The following TICRR variants were observed in gnomAD, a reference collection of about 807,000 sequenced individuals.
TICRR encodes TOPBP1 interacting checkpoint and replication regulator, also known as treslin.
A neutral mutation model predicts 178.1 loss-of-function variants in TICRR; 132 were observed. That is an observed-to-expected ratio of 0.74 (90% confidence interval 0.64 to 0.86). TICRR has a LOEUF of 0.86. Ranked by LOEUF, TICRR falls within the 40% of genes least tolerant of loss-of-function variation. The probability of loss-of-function intolerance (pLI) is 0.00; values close to 1 mark genes in which losing one functional copy is unlikely to be tolerated. For synonymous variants in TICRR, 991 were observed against 900.7 expected (o/e 1.10, Z -1.79); for missense variants, 2,587 against 2,334.3 (o/e 1.11, Z -2.23).
chr15:89,610,721 T>C (rs1000631354), intron 15 of TICRR, among the ~76,000 whole-genome samples: 5 of 152,220 alleles, frequency 3.3e-5, no homozygotes, highest in Non-Finnish European at 7.4e-5. Flanking sequence ...GGAACAACTG[T>C]CATTTTCTAT....
Position 89,625,239 on chromosome 15 carries a change from C to T in TICRR, c.4929C>T (p.Ile1643=). The part of the protein sequence containing the change: ...TPGKSRGQTY[I]CQACTPTHGP... ...GCAAGAGCAGGGGGCAAACCTACAT[C>T]TGCCAGGCCTGTACCCCCACCCACG... The change falls in exon 20 of 22, where the codon ATC becomes ATT. Residue 1643 remains isoleucine (I), a synonymous_variant. Transcript: ENST00000268138. The T allele has an allele frequency of 6.2e-7, 1 of 1,613,662 alleles. No individual in the cohort carries two copies. Among genetic ancestry groups the T allele is most frequent in the Non-Finnish European group, 8.5e-7 (1 of 1,179,688 alleles).
intron 15 of TICRR, among the ~76,000 whole-genome samples, chr15:89,613,844 T>C (rs968564944): frequency 2.0e-5 from 3 of 150,844 alleles, no homozygotes; most frequent in African/African-American, 4.9e-5. Context: ...TTGAACATAT[T>C]TAAAACAGCT....
intron 15 of TICRR, among the ~76,000 whole-genome samples, chr15:89,614,712 T>G (rs1232947810): frequency 3.3e-5 from 5 of 152,226 alleles, no homozygotes; most frequent in Non-Finnish European, 7.3e-5. Flanking sequence ...TTGTTTTTGT[T>G]TAGTCACTTT....
Position 89,623,670 on chromosome 15 carries a change from AC to A in TICRR, c.3362del (p.Pro1121GlnfsTer25). ...QKSLSFSKTT[P>X]RRISHTPQTP... ...AATCTCTGAGCTTTTCTAAAACTAC[AC>A]CAAGAAGGATCTCTCATACACCACA... On this transcript the variant is annotated frameshift_variant, in exon 20 of 22. Coordinates refer to ENST00000268138, the MANE Select transcript of TICRR (RefSeq NM_152259.4). LOFTEE classifies it high-confidence loss of function. The A allele has an allele frequency of 6.2e-6, 10 of 1,612,416 alleles. No homozygotes were observed. The highest frequency in any genetic ancestry group is 7.6e-6 in the Non-Finnish European group (9 of 1,179,568).
rs148935549 is a variant in TICRR, at chr15:89,627,166, A to G, written c.*80A>G. ...ATAAAGAAGTTGGATGCCTGGTCCCAAGCCTCTTTTGCCATGGTCAGTGTT... is the reference window on the plus strand; with the variant it reads ...ATAAAGAAGTTGGATGCCTGGTCCCGAGCCTCTTTTGCCATGGTCAGTGTT... On this transcript the variant is annotated 3_prime_UTR_variant, in exon 22 of 22. Coordinates refer to ENST00000268138, the MANE Select transcript of TICRR (RefSeq NM_152259.4). 401 of 1,565,336 alleles carry G rather than the reference A, an allele frequency of 2.6e-4. 2 individuals carry two copies. In the African/African-American group the frequency reaches 4.8e-3, roughly 19 times the overall value.
intron 13 of TICRR, among the ~76,000 whole-genome samples, chr15:89,606,437 T>C (rs1337655460): frequency 6.6e-6 from 1 of 152,226 alleles, no homozygotes; most frequent in Non-Finnish European, 1.5e-5. Flanking sequence ...AAGTTTTGGA[T>C]TTTGGAGCAT....
intron 16 of TICRR, 181 bp from the exon 17 acceptor site, chr15:89,617,971 C>T (rs949673812): frequency 1.2e-5 from 8 of 689,378 alleles, no homozygotes; most frequent in African/African-American, 8.9e-5. Flanking sequence ...GGATTACAGG[C>T]GTGAGACACT....
At chr15:89,593,786 A>G (rs1003850579) in intron 5 of TICRR, among the ~76,000 whole-genome samples, 1 of 152,216 alleles carries the variant, frequency 6.6e-6, no homozygotes, top group African/African-American at 2.4e-5. Flanking sequence ...ATATCTGTTC[A>G]ACTAATATCA....
intron 2 of TICRR, among the ~76,000 whole-genome samples, chr15:89,584,024 G>C (rs1248883250): frequency 6.6e-6 from 1 of 152,112 alleles, no homozygotes; most frequent in African/African-American, 2.4e-5. Context: ...CATAATTTCT[G>C]AGAAGTTCTG....
chr15:89,604,356 G>A (rs2350479), intron 13 of TICRR, among the ~76,000 whole-genome samples: 70,838 of 152,104 alleles, frequency 0.47, 17,572 homozygotes, highest in Non-Finnish European at 0.56. Flanking sequence ...TGGAAAATCC[G>A]AAAGTGAATG....
chr15:89,619,271 G>C (rs1475187221), intron 17 of TICRR, among the ~76,000 whole-genome samples: 2 of 124,898 alleles, frequency 1.6e-5, no homozygotes, highest in Non-Finnish European at 3.2e-5. Flanking sequence ...TGTCGCCCAG[G>C]CTGGAGTGCA....
intron 11 of TICRR, 29 bp from the exon 12 acceptor site, chr15:89,601,708 G>C (rs745643043): frequency 1.9e-6 from 3 of 1,613,772 alleles, no homozygotes; most frequent in Non-Finnish European, 2.5e-6. Context: ...GATGGTAACT[G>C]TTCCGTATTC....
chr15:89,584,233 C>CT, intron 2 of TICRR, 53 bp from the exon 3 acceptor site: 2 of 1,490,602 alleles, frequency 1.3e-6, no homozygotes, highest in East Asian at 2.4e-5. Flanking sequence ...GAATTTTAAT[C>CT]TTTTTTTAAA....
chr15:89,582,849 C>T lies in TICRR; in HGVS notation c.818C>T (p.Ser273Phe). The change falls in exon 2 of 22, where the codon TCT (serine) becomes TTT (phenylalanine). Residue 273 changes from serine (S) to phenylalanine (F), a missense_variant. Physicochemically the swap from Ser to Phe is radical, Grantham distance 155. Transcript: ENST00000268138. ...GIKLSSEPHL[S>F]PWISMLPTDA... ...AAGCTGTCAAGTGAACCTCATCTTT[C>T]TCCGTGGATTTCAATGCTGCCAACT... 8.1e-6 allele frequency: 13 copies of T among 1,614,172 alleles called. No individual in the cohort carries two copies. Among genetic ancestry groups the T allele is most frequent in the Non-Finnish European group, 1.1e-5 (13 of 1,180,042 alleles).
At chr15:89,600,714 A>G (rs761810928) in intron 9 of TICRR, 29 bp downstream of exon 9, 9 of 1,103,912 alleles carry the variant, frequency 8.2e-6, no homozygotes, top group African/African-American at 3.2e-5. Context: ...TTAAAAAATC[A>G]TCACTCTAAA....
In TICRR at chr15:89,584,615, A is replaced by G; in HGVS notation, c.1176+88A>G. ...TGTGTTTATAAATGCCCTACACAAT[A>G]TAGTCTTAGTAAAACTGATTATGCT... On this transcript the variant is annotated intron_variant, in intron 3 of 21. Coordinates refer to ENST00000268138, the MANE Select transcript of TICRR (RefSeq NM_152259.4). 3.7e-6 allele frequency: 5 copies of G among 1,344,622 alleles called. No homozygotes were observed. In the South Asian group the frequency reaches 5.6e-5, roughly 15 times the overall value. 83.3% of individuals were successfully genotyped at this position (1,344,622 alleles called of 1,614,324 possible).
Position 89,623,790 on chromosome 15 carries a change from C to A in TICRR, c.3480C>A (p.Ser1160=). 6.2e-7 allele frequency: 1 copy of A among 1,613,966 alleles called. No individual in the cohort carries two copies. Among genetic ancestry groups the A allele is most frequent in the South Asian group, 1.1e-5 (1 of 91,080 alleles). The part of the protein sequence containing the change: ...QAAFKESLKD[S]SSPGHDSPLD... Reference sequence around the variant, plus strand: ...CTTTTAAGGAGTCCTTAAAAGACTCCTCCTCACCCGGCCATGACTCACCAT... The same window carrying A: ...CTTTTAAGGAGTCCTTAAAAGACTCATCCTCACCCGGCCATGACTCACCAT... The change falls in exon 20 of 22, where the codon TCC becomes TCA. Residue 1160 remains serine (S), a synonymous_variant. Transcript: ENST00000268138.
chr15:89,591,222 T>C (rs1482783522), intron 4 of TICRR, among the ~76,000 whole-genome samples: 1 of 151,660 alleles, frequency 6.6e-6, no homozygotes, highest in African/African-American at 2.4e-5. Context: ...GCCTCCCGGG[T>C]TCAAGCTTCT....
chr15:89,602,568 G>A (rs1234598631), intron 12 of TICRR, among the ~76,000 whole-genome samples: 2 of 152,024 alleles, frequency 1.3e-5, no homozygotes, highest in African/African-American at 4.8e-5. Flanking sequence ...TAAGCTTAGA[G>A]TTTCAGCTTT....
Sources: allele counts gnomAD v4.1 joint callset (sites outside exome capture counted in the v4.1 genomes callset), GRCh38; gene constraint gnomAD v4.1.1; transcripts MANE v1.5; gene names NCBI Gene and HGNC (gene_info 2026-07-23, HGNC 2026-07-21).